DYNLT5: variants seen among roughly 807,000 people sequenced by gnomAD.
The protein encoded by DYNLT5 is dynein light chain Tctex-type family member 5, also known as dynein light chain Tctex-type 5.
DYNLT5 carries 25 observed loss-of-function variants against 19.3 expected under a neutral mutation model. The ratio of observed to expected loss-of-function variants is 1.30; its 90% CI spans 0.95 to 1.81. DYNLT5 has a LOEUF of 1.81. DYNLT5 is among the 40% of genes most tolerant of loss of function. The pLI is 0.00. For missense variants in DYNLT5, 232 were observed against 217.9 expected (o/e 1.06, Z -0.41); for synonymous variants, 82 against 68.9 (o/e 1.19, Z -0.94).
chr1:66,776,902 A>G (rs1645239202), intron 4 of DYNLT5, among the ~76,000 whole-genome samples: 1 of 152,200 alleles, frequency 6.6e-6, no homozygotes, highest in African/African-American at 2.4e-5. Context: ...TCTTAATTAG[A>G]CATGAACAAG....
At chr1:66,762,203 A>G (rs1165277468) in intron 2 of DYNLT5, among the ~76,000 whole-genome samples, 2 of 152,190 alleles carry the variant, frequency 1.3e-5, no homozygotes, top group Non-Finnish European at 2.9e-5. Context: ...ATGCATATTC[A>G]TGGGGTACAT....
chr1:66,770,599 T>C (rs776322809), intron 3 of DYNLT5, 121 bp downstream of exon 3: 12 of 815,794 alleles, frequency 1.5e-5, no homozygotes, highest in Admixed American at 1.4e-4. Context: ...GGGACTTTAA[T>C]GAATTGAGTG....
chr1:66,776,291 A>G lies in DYNLT5; in HGVS notation c.224A>G (p.His75Arg), dbSNP rs776086718. 1.9e-6 allele frequency: 3 copies of G among 1,612,126 alleles called. No homozygotes were observed. Among genetic ancestry groups the G allele is most frequent in the African/African-American group, 1.3e-5 (1 of 74,912 alleles). ...TGTGTATTTTCAGGTCCTCCCAAAC[A>G]TTTTCCTGTGGTCACCGTCAATCAT... ...ENTYQLGPPK[H>R]FPVVTVNHIL... Residue 75 changes from histidine to arginine, a missense_variant, in exon 4 of 5, where the codon CAT (histidine) becomes CGT (arginine). Physicochemically the swap from His to Arg is conservative, Grantham distance 29. Transcript: ENST00000282670.
chr1:66,757,676 C>A (rs527521878), intron 2 of DYNLT5, among the ~76,000 whole-genome samples: 1 of 152,064 alleles, frequency 6.6e-6, no homozygotes, highest in African/African-American at 2.4e-5. Context: ...TTGCGATGAA[C>A]CTTATTTATG....
At position 66,777,351 on chromosome 1, in the gene DYNLT5, G is replaced by A. The variant is rs1298816262; in HGVS notation, c.437G>A (p.Ser146Asn). The A allele has an allele frequency of 2.5e-6, 4 of 1,613,812 alleles. No homozygotes were observed. Among genetic ancestry groups the A allele is most frequent in the Non-Finnish European group, 3.4e-6 (4 of 1,179,904 alleles). Reference protein sequence around the residue: ...QLNRQSILIGSRCLWDPKSDT... With the variant: ...QLNRQSILIGNRCLWDPKSDT... ...AACAGGCAGAGCATACTTATTGGAAGCAGATGCCTCTGGGATCCTAAAAGT... is the reference window on the plus strand; with the variant it reads ...AACAGGCAGAGCATACTTATTGGAAACAGATGCCTCTGGGATCCTAAAAGT... The change falls in exon 5 of 5, where the codon AGC becomes AAC. Residue 146 changes from serine to asparagine, a missense_variant. Transcript: ENST00000282670.
intron 2 of DYNLT5, among the ~76,000 whole-genome samples, chr1:66,757,460 A>G (rs79969959): frequency 6.6e-6 from 1 of 152,200 alleles, no homozygotes; most frequent in Admixed American, 6.5e-5. Context: ...AAACAGAAAC[A>G]TCTTAAGCTG....
At chr1:66,762,386 A>G (rs946281413) in intron 2 of DYNLT5, among the ~76,000 whole-genome samples, 4 of 152,218 alleles carry the variant, frequency 2.6e-5, no homozygotes, top group South Asian at 4.1e-4. Flanking sequence ...TAAAAACACT[A>G]GAACTTATTT....
chr1:66,767,587 A>T (rs1645168887), intron 2 of DYNLT5, among the ~76,000 whole-genome samples: 1 of 152,196 alleles, frequency 6.6e-6, no homozygotes, highest in South Asian at 2.1e-4. Context: ...GATTACTTGT[A>T]GCATCCCACT....
intron 2 of DYNLT5, among the ~76,000 whole-genome samples, chr1:66,760,105 A>AC (rs2094643204): frequency 6.6e-6 from 1 of 152,104 alleles, no homozygotes; most frequent in African/African-American, 2.4e-5. Flanking sequence ...TTGAAATTGC[A>AC]CATCACATCT....
At chr1:66,756,194 A>C (rs1300549533) in intron 2 of DYNLT5, among the ~76,000 whole-genome samples, 3 of 152,224 alleles carry the variant, frequency 2.0e-5, no homozygotes, top group African/African-American at 7.2e-5. Context: ...ACTACATTTA[A>C]ATGATAACTA....
intron 2 of DYNLT5, among the ~76,000 whole-genome samples, 177 bp downstream of exon 2, chr1:66,754,954 T>A (rs1385391440): frequency 6.6e-6 from 1 of 152,156 alleles, no homozygotes; most frequent in Non-Finnish European, 1.5e-5. Context: ...AAAGCTTAAG[T>A]GATAAGTTAA....
chr1:66,764,134 G>A (rs1435043759), intron 2 of DYNLT5, among the ~76,000 whole-genome samples: 2 of 152,078 alleles, frequency 1.3e-5, no homozygotes, highest in Non-Finnish European at 2.9e-5. Context: ...GATGCAGTGA[G>A]CCAAGATCAT....
Position 66,754,838 on chromosome 1 carries a change from T to C in DYNLT5, c.119+61T>C, listed in dbSNP as rs2094633196. On this transcript the variant is annotated intron_variant, in intron 2 of 4. Coordinates refer to ENST00000282670, the MANE Select transcript of DYNLT5 (RefSeq NM_152665.3). ...GAATAAATAGGTTCGTAATGTTTAT[T>C]AGGAGAAAAAAACACTTCCTCGGGG... is the stretch of plus-strand genomic sequence containing the variant. 24 of 1,506,330 alleles carry C rather than the reference T, an allele frequency of 1.6e-5. 1 individual carries two copies. The South Asian group carries it at 3.2e-4, about 20-fold the overall frequency. The allele number at this position is 1,506,330 out of a possible 1,614,324, so 93.3% of individuals were successfully genotyped here.
At chr1:66,777,182 T>C (rs1321807413) in intron 4 of DYNLT5, 69 bp from the exon 5 acceptor site, 2 of 1,313,330 alleles carry the variant, frequency 1.5e-6, no homozygotes, top group Admixed American at 1.9e-5. Flanking sequence ...CTTATATTTA[T>C]AACAAAGGTT....
intron 3 of DYNLT5, among the ~76,000 whole-genome samples, chr1:66,771,954 C>T (rs1260153150): frequency 6.6e-6 from 1 of 152,030 alleles, no homozygotes; most frequent in African/African-American, 2.4e-5. Context: ...ATGAAATATA[C>T]CTGTATTTTC....
chr1:66,770,822 A>C, intron 3 of DYNLT5: 1 of 324,244 alleles, frequency 3.1e-6, no homozygotes, highest in South Asian at 2.9e-5. Flanking sequence ...ATCCAACAAA[A>C]CCAATCAGTG....
chr1:66,762,745 A>G (rs2094648164), intron 2 of DYNLT5, among the ~76,000 whole-genome samples: 1 of 152,232 alleles, frequency 6.6e-6, no homozygotes, highest in South Asian at 2.1e-4. Flanking sequence ...ACAAAAATAC[A>G]ATTAGATAAA....
At chr1:66,755,020 A>G (rs1322799020) in intron 2 of DYNLT5, among the ~76,000 whole-genome samples, 1 of 152,236 alleles carries the variant, frequency 6.6e-6, no homozygotes, top group Non-Finnish European at 1.5e-5. Flanking sequence ...TCTGCTCAAA[A>G]GAAACACCAC....
intron 4 of DYNLT5, among the ~76,000 whole-genome samples, chr1:66,776,610 T>A (rs1276750777): frequency 6.6e-6 from 1 of 152,034 alleles, no homozygotes; most frequent in Admixed American, 6.6e-5. Flanking sequence ...AAAACAATCA[T>A]GAGCATCATT....
Sources: gnomAD v4.1 joint callset for allele counts (sites outside exome capture counted in the v4.1 genomes callset) on GRCh38, gnomAD v4.1.1 for gene constraint, MANE v1.5 for transcripts, NCBI Gene and HGNC (gene_info 2026-07-23, HGNC 2026-07-21) for gene names.